The following THTPA variants were observed in gnomAD, a reference collection of about 807,000 sequenced individuals.
THTPA encodes thiamine-triphosphatase.
A neutral mutation model predicts 16.5 loss-of-function variants in THTPA; 16 were observed. The ratio of observed to expected loss-of-function variants is 0.97; its 90% confidence interval spans 0.66 to 1.47. The LOEUF (loss-of-function observed/expected upper bound fraction) is 1.47, where lower values mean the gene tolerates loss of function less well. THTPA is among the 40% of genes most tolerant of loss of function. The pLI is 0.00. For synonymous variants in THTPA, 110 were observed against 115.5 expected, an observed-to-expected ratio of 0.95 and a Z score of 0.30; for missense variants, 281 against 280.9, an observed-to-expected ratio of 1.00 and a Z score of 0.00.
In THTPA at chr14:23,558,950, C is replaced by A; in HGVS notation, c.*110C>A. The A allele has an allele frequency of 1.5e-6, 2 of 1,321,552 alleles. No homozygotes were observed. Among genetic ancestry groups the A allele is most frequent in the Non-Finnish European group, 1.0e-6 (1 of 965,842 alleles). The allele number at this position is 1,321,552 out of a possible 1,614,324, so 81.9% of individuals were successfully genotyped here. Reference sequence around the variant, plus strand: ...CCTTCTGACAGTGACTCCTCTCTCTCCAGCGCTGCCTGTTTCTTCCCCCTC... The same window carrying A: ...CCTTCTGACAGTGACTCCTCTCTCTACAGCGCTGCCTGTTTCTTCCCCCTC... On this transcript the variant is annotated 3_prime_UTR_variant, in exon 2 of 2. Transcript: ENST00000288014.
At chr14:23,528,709 T>A in the THTPA span, 747 of 985,378 alleles carry the variant, frequency 7.6e-4, no homozygotes, top group Non-Finnish European at 8.8e-4. Flanking sequence ...TTCCTTCTTC[T>A]TTTTCCTAAT....
the THTPA span, chr14:23,533,377 G>A: frequency 3.7e-4 from 532 of 1,456,844 alleles, 2 homozygotes; most frequent in Admixed American, 1.9e-3. The surrounding 1 kb of genome is among the most constrained non-coding windows in gnomAD (Gnocchi z 4.8). Context: ...CCTCAGCCCC[G>A]GGCCAGCCAA....
chr14:23,548,200 C>T, the THTPA span, among the ~76,000 whole-genome samples: 1 of 152,206 alleles, frequency 6.6e-6, no homozygotes, highest in Non-Finnish European at 1.5e-5. Flanking sequence ...CCTCTTCCGT[C>T]TCTGCCTGCC....
the THTPA span, among the ~76,000 whole-genome samples, chr14:23,548,844 C>T: frequency 6.6e-6 from 1 of 152,146 alleles, no homozygotes; most frequent in African/African-American, 2.4e-5. Flanking sequence ...TTTCCAACCC[C>T]CCGGCGCCCC....
chr14:23,539,054 T>A, the THTPA span, among the ~76,000 whole-genome samples: 1 of 152,084 alleles, frequency 6.6e-6, no homozygotes, highest in African/African-American at 2.4e-5. Flanking sequence ...TCCCCTGAGA[T>A]GAATCTTGCA....
At chr14:23,547,187 A>C in the THTPA span, among the ~76,000 whole-genome samples, 2 of 152,220 alleles carry the variant, frequency 1.3e-5, no homozygotes, top group African/African-American at 2.4e-5. Flanking sequence ...GCCATCCCTC[A>C]CAGGGTTCTT....
the THTPA span, chr14:23,533,983 T>C: frequency 2.0e-6 from 3 of 1,537,064 alleles, no homozygotes; most frequent in Non-Finnish European, 2.6e-6. This position sits in a 1 kb window ranked among gnomAD's most constrained non-coding sequence, Gnocchi z 4.8. Context: ...CTTGCAGGAG[T>C]TGCGTGAGTG....
At chr14:23,551,982 C>G (rs1881999647), upstream of THTPA, among the ~76,000 whole-genome samples, 1 of 152,228 alleles carries the variant, frequency 6.6e-6, no homozygotes, top group Non-Finnish European at 1.5e-5. The surrounding 1 kb of genome is among the most constrained non-coding windows in gnomAD (Gnocchi z 5.3). Flanking sequence ...CGTCTCCTCT[C>G]CTCTTCATCC....
the THTPA span, chr14:23,530,504 C>A: frequency 3.5e-6 from 2 of 569,702 alleles, no homozygotes; most frequent in Non-Finnish European, 6.6e-6. Flanking sequence ...TTAAATGACC[C>A]AGGAAATGGG....
At chr14:23,515,448 G>C in the THTPA span, among the ~76,000 whole-genome samples, 1 of 152,164 alleles carries the variant, frequency 6.6e-6, no homozygotes, top group African/African-American at 2.4e-5. Flanking sequence ...GTTAGAGTTG[G>C]ATAGATTTCC....
the THTPA span, chr14:23,530,375 A>C: frequency 1.4e-6 from 1 of 700,830 alleles, no homozygotes; most frequent in South Asian, 1.5e-5. Context: ...ATAGAGGGAA[A>C]ATTACAGTAT....
chr14:23,548,710 G>A, the THTPA span, among the ~76,000 whole-genome samples: 1 of 152,024 alleles, frequency 6.6e-6, no homozygotes, highest in African/African-American at 2.4e-5. Flanking sequence ...TGAAATGAAT[G>A]CTCGTGAGGT....
In THTPA at chr14:23,557,100, C is replaced by A. The variant is rs1595213841; in HGVS notation, c.343C>A (p.Leu115Met). Residue 115 changes from leucine to methionine, a missense_variant, in exon 1 of 2, where the codon CTG becomes ATG. By Grantham distance (15) the Leu-to-Met change is conservative. Transcript: ENST00000288014. The part of the protein sequence containing the change: ...DVAAVLGPLG[L>M]QEVASFVTKR... ...GGCTGCTGTGCTGGGCCCACTGGGGCTGCAGGAAGTAGCTAGTTTTGTGAC... is the reference window on the plus strand; with the variant it reads ...GGCTGCTGTGCTGGGCCCACTGGGGATGCAGGAAGTAGCTAGTTTTGTGAC... The A allele has an allele frequency of 6.2e-7, 1 of 1,614,158 alleles. No homozygotes were observed. Among genetic ancestry groups the A allele is most frequent in the Middle Eastern group, 1.6e-4 (1 of 6,062 alleles).
the THTPA span, chr14:23,521,847 G>A: frequency 6.8e-7 from 1 of 1,477,534 alleles, no homozygotes; most frequent in Non-Finnish European, 8.9e-7. Context: ...AACAGTTCCT[G>A]TGAGGTGGGC....
chr14:23,533,515 A>T, the THTPA span: 1 of 1,535,990 alleles, frequency 6.5e-7, no homozygotes, highest in African/African-American at 1.4e-5. This position sits in a 1 kb window ranked among gnomAD's most constrained non-coding sequence, Gnocchi z 4.8. Context: ...GCCCAGCGGC[A>T]GCCCCTGGTG....
At chr14:23,539,468 C>T in the THTPA span, among the ~76,000 whole-genome samples, 2 of 152,146 alleles carry the variant, frequency 1.3e-5, no homozygotes, top group Admixed American at 6.5e-5. Flanking sequence ...TGTAAAGTTG[C>T]AGAAACACAG....
the THTPA span, chr14:23,523,115 A>G: frequency 7.1e-7 from 1 of 1,401,508 alleles, no homozygotes; most frequent in Admixed American, 3.2e-5. This position sits in a 1 kb window ranked among gnomAD's most constrained non-coding sequence, Gnocchi z 4.1. Context: ...GAGATTGGGC[A>G]TGGGAAGAAT....
chr14:23,541,969 CAA>C, the THTPA span, among the ~76,000 whole-genome samples: 2 of 151,630 alleles, frequency 1.3e-5, no homozygotes, highest in African/African-American at 4.9e-5. Context: ...AAGTTTTGTC[CAA>C]AAGAGAGAGA....
chr14:23,541,751 C>T, the THTPA span, among the ~76,000 whole-genome samples: 44 of 152,342 alleles, frequency 2.9e-4, no homozygotes, highest in South Asian at 8.9e-3. Context: ...CTGGCCTTTC[C>T]CTGCATGTCT....
Sources: allele counts gnomAD v4.1 joint callset (sites outside exome capture counted in the v4.1 genomes callset), GRCh38; gene constraint gnomAD v4.1.1; non-coding constraint Gnocchi (gnomAD v3.1); transcripts MANE v1.5; gene names NCBI Gene and HGNC (gene_info 2026-07-23, HGNC 2026-07-21).